Variants in FN1 observed in about 807,000 individuals in gnomAD.
The protein encoded by FN1 is fibronectin.
A neutral mutation model predicts 297.3 loss-of-function variants in FN1; 106 were observed. The observed-to-expected ratio is 0.36, with a 90% CI of 0.30 to 0.42. The LOEUF (loss-of-function observed/expected upper bound fraction) is 0.42, where lower values mean the gene tolerates loss of function less well. Ranked by LOEUF, FN1 falls within the 10% of genes least tolerant of loss-of-function variation. FN1 has a pLI of 1.00. For missense variants in FN1, 2,690 were observed against 3,124.9 expected (o/e 0.86, Z 3.32); for synonymous variants, 1,149 against 1,152.6 (o/e 1.00, Z 0.06).
At chr2:215,408,654 A>G (rs980638773) in intron 15 of FN1, among the ~76,000 whole-genome samples, 2 of 152,096 alleles carry the variant, frequency 1.3e-5, no homozygotes. Context: ...TGCATCCTCT[A>G]CCTTTCCGGT....
At position 215,422,237 on chromosome 2, in the gene FN1, T is replaced by C; in HGVS notation, c.1400A>G (p.Glu467Gly). 1 of 1,614,054 alleles carries C rather than the reference T, an allele frequency of 6.2e-7. No individual in the cohort carries two copies. The highest frequency in any genetic ancestry group is 2.2e-5 in the East Asian group (1 of 44,884). ...KFGFCPMAAH[E>G]EICTTNEGVM... ...CCCTTCATTGGTTGTGCAGATTTCC[T>C]CGTGGGCTGTTTGGAAATGGATAAG... The change falls in exon 10 of 46, where the codon GAG becomes GGG. Residue 467 changes from glutamate (E) to glycine (G), a missense_variant. This residue lies in a region of FN1 where 876 missense variants were observed against 1,058.1 expected (regional missense o/e 0.83). Coordinates refer to ENST00000354785, the MANE Select transcript of FN1 (RefSeq NM_212482.4).
At chr2:215,401,864 C>G (rs1286980875) in intron 20 of FN1, among the ~76,000 whole-genome samples, 1 of 151,048 alleles carries the variant, frequency 6.6e-6, no homozygotes, top group Non-Finnish European at 1.5e-5. Flanking sequence ...AATGATAGCT[C>G]TAATGGCTGA....
intron 6 of FN1, among the ~76,000 whole-genome samples, chr2:215,426,143 CTTTTTTTTTTTTTTTT>C (rs58002948): frequency 9.9e-6 from 1 of 101,074 alleles, no homozygotes. Context: ...TTTCTTTTTT[CTTTTTTTTTTTTTTTT>C]TTTTTTTGAG....
intron 42 of FN1, among the ~76,000 whole-genome samples, chr2:215,366,666 C>A (rs545805670): frequency 7.2e-5 from 11 of 152,242 alleles, no homozygotes; most frequent in Non-Finnish European, 1.6e-4. Context: ...ATTTTATCAA[C>A]AATTCAGCCT....
chr2:215,368,040 G>C lies in FN1; in HGVS notation c.6854-13C>G, dbSNP rs1397290366. 1 of 1,613,802 alleles carries C rather than the reference G, an allele frequency of 6.2e-7. No individual in the cohort carries two copies. Among genetic ancestry groups the C allele is most frequent in the African/African-American group, 1.3e-5 (1 of 74,924 alleles). On this transcript the variant is annotated splice_polypyrimidine_tract_variant and intron_variant, in intron 41 of 45. Transcript: ENST00000354785. Reference sequence around the variant, plus strand: ...AAGCCTTCGTTGACTATGAAGAAAAGGAAGAAAAAGCAAAAAGAGACATCT... The same window carrying C: ...AAGCCTTCGTTGACTATGAAGAAAACGAAGAAAAAGCAAAAAGAGACATCT...
intron 35 of FN1, among the ~76,000 whole-genome samples, chr2:215,376,960 A>G (rs2057376200): frequency 6.6e-6 from 1 of 152,166 alleles, no homozygotes; most frequent in African/African-American, 2.4e-5. Context: ...AAATACTTCA[A>G]TAAATATTAA....
Position 215,364,881 on chromosome 2 carries a change from G to T in FN1, c.7249C>A (p.Arg2417=). The T allele has an allele frequency of 6.4e-7, 1 of 1,552,056 alleles. No individual in the cohort carries two copies. The highest frequency in any genetic ancestry group is 8.7e-7 in the Non-Finnish European group (1 of 1,146,498). ...GAGCCTGGCACATCCAGTCTTACCC[G>T]CTGGCCTCCAAAGCATGTGCAGGAG... ...ICSCTCFGGQ[R]GWRCDNCRRP... is the part of the protein sequence containing the mutation. The change falls in exon 44 of 46, where the codon CGG becomes AGG. Residue 2417 remains arginine, a splice_region_variant and synonymous_variant. Transcript: ENST00000354785.
rs111832807 is a variant in FN1 at position 215,404,256 on chromosome 2, A to G, written c.3253+133T>C. On this transcript the variant is annotated intron_variant, in intron 20 of 45. Transcript: ENST00000354785. ...GGCCAGCAGCCAGTCTATGGAGCAC[A>G]TTTTTAGTATCACTGATTTAAATTA... is the stretch of plus-strand genomic sequence containing the variant. 1.3e-4 allele frequency: 122 copies of G among 961,350 alleles called. No individual in the cohort carries two copies. The African/African-American group carries it at 1.9e-3, about 15-fold the overall frequency. The allele number at this position is 961,350 out of a possible 1,614,324, so 59.6% of individuals were successfully genotyped here. A position where few individuals can be genotyped will look rare whatever the true frequency, so the allele number is the denominator to read the frequency against.
chr2:215,407,161 G>T lies in FN1; in HGVS notation c.2679C>A (p.Val893=). ...GGGTGCCAGTGGTTTCTTGTTGAATGACAACAGGTGTACTTTCTTGATTTT... is the reference window on the plus strand; with the variant it reads ...GGGTGCCAGTGGTTTCTTGTTGAATTACAACAGGTGTACTTTCTTGATTTT... ...VEENQESTPV[V]IQQETTGTPR... The change falls in exon 18 of 46, where the codon GTC becomes GTA. Residue 893 remains valine, a synonymous_variant. Coordinates refer to ENST00000354785, the MANE Select transcript of FN1 (RefSeq NM_212482.4). The T allele has an allele frequency of 6.2e-7, 1 of 1,614,098 alleles. No individual in the cohort carries two copies. Among genetic ancestry groups the T allele is most frequent in the South Asian group, 1.1e-5 (1 of 91,058 alleles).
intron 6 of FN1, among the ~76,000 whole-genome samples, chr2:215,426,151 T>C (rs1407671458): frequency 7.5e-4 from 61 of 81,152 alleles, no homozygotes; most frequent in African/African-American, 2.6e-3. Context: ...TTCTTTTTTT[T>C]TTTTTTTTTT....
At chr2:215,384,298 T>C in intron 29 of FN1, 114 bp from the exon 30 acceptor site, 1 of 1,083,626 alleles carries the variant, frequency 9.2e-7, no homozygotes, top group South Asian at 1.3e-5. Context: ...TCTTGCTTAT[T>C]CCCTTTTAAA....
At chr2:215,415,147 ATAAT>A (rs1485998677) in intron 12 of FN1, among the ~76,000 whole-genome samples, 189 bp from the exon 13 acceptor site, 1 of 152,192 alleles carries the variant, frequency 6.6e-6, no homozygotes, top group Admixed American at 6.5e-5. Flanking sequence ...TTTTTAGCCG[ATAAT>A]TATTATTCTT....
At chr2:215,382,948 A>G (rs2058412273) in intron 31 of FN1, among the ~76,000 whole-genome samples, 1 of 152,138 alleles carries the variant, frequency 6.6e-6, no homozygotes, top group South Asian at 2.1e-4. Flanking sequence ...ATAAAAAAGA[A>G]TATTAGGTGG....
Position 215,373,308 on chromosome 2 carries a change from C to G in FN1, c.6247+14G>C. 6.3e-7 allele frequency: 1 copy of G among 1,598,946 alleles called. No individual in the cohort carries two copies. Among genetic ancestry groups the G allele is most frequent in the South Asian group, 1.1e-5 (1 of 90,768 alleles). ...GTCCTATCTTTCTCCTTGTTACCTG[C>G]AAGATACTCTTACCTGTCTTTTTCC... On this transcript the variant is annotated intron_variant, in intron 39 of 45. Transcript: ENST00000354785.
chr2:215,402,640 G>T (rs2061300068), intron 20 of FN1, among the ~76,000 whole-genome samples: 1 of 152,134 alleles, frequency 6.6e-6, no homozygotes, highest in Admixed American at 6.5e-5. Flanking sequence ...GCTTACATTA[G>T]TTTATTTAAA....
chr2:215,419,487 C>A, intron 11 of FN1, 102 bp from the exon 12 acceptor site: 2 of 1,007,832 alleles, frequency 2.0e-6, no homozygotes, highest in Non-Finnish European at 3.1e-6. Context: ...TAGAAATTTG[C>A]AATTGTTCTT....
At chr2:215,414,526 G>T in intron 13 of FN1, 1 of 300,708 alleles carries the variant, frequency 3.3e-6, no homozygotes, top group Non-Finnish European at 5.6e-6. Context: ...CCCACATTGG[G>T]CAAGAACAAT....
chr2:215,412,716 C>G (rs1375539753), intron 13 of FN1, among the ~76,000 whole-genome samples: 3 of 126,402 alleles, frequency 2.4e-5, no homozygotes, highest in African/African-American at 9.1e-5. Flanking sequence ...TATATTTGTT[C>G]TTCTTGTGTT....
chr2:215,419,305 G>C lies in FN1; in HGVS notation c.1756C>G (p.Gln586Glu). Residue 586 changes from glutamine to glutamate, a missense_variant, in exon 12 of 46, where the codon CAG (glutamine) becomes GAG (glutamate). Physicochemically the swap from Gln to Glu is conservative, Grantham distance 29 (BLOSUM62 2). Transcript: ENST00000354785. ...ATGCCACGGCCATAGCAGTAGCACT[G>C]GTATCTGACACCATGCACATACTTC... Reference protein sequence around the residue: ...WEKYVHGVRYQCYCYGRGIGE... With the variant: ...WEKYVHGVRYECYCYGRGIGE... 6.2e-7 allele frequency: 1 copy of C among 1,613,084 alleles called. No homozygotes were observed. Among genetic ancestry groups the C allele is most frequent in the Non-Finnish European group, 8.5e-7 (1 of 1,179,148 alleles).
Sources: allele counts gnomAD v4.1 joint callset (sites outside exome capture counted in the v4.1 genomes callset), GRCh38; gene constraint gnomAD v4.1.1; regional missense constraint gnomAD v4.1.1; transcripts MANE v1.5; gene names NCBI Gene and HGNC (gene_info 2026-07-23, HGNC 2026-07-21).